Variants in ZNF701 observed in about 807,000 individuals in gnomAD.
ZNF701 encodes zinc finger protein 701.
In ZNF701, 6 loss-of-function variants were observed where a neutral mutation model predicts 7.1. That is an observed-to-expected ratio of 0.84 (90% CI 0.46 to 1.66). The LOEUF (loss-of-function observed/expected upper bound fraction) is 1.66, where lower values mean the gene tolerates loss of function less well. Among genes scored for constraint, ZNF701 ranks in the 40% most tolerant of loss-of-function variants. ZNF701 has a pLI of 0.01. For missense variants in ZNF701, 541 were observed against 559.2 expected, an observed-to-expected ratio of 0.97 and a Z score of 0.33; for synonymous variants, 166 against 188.2, an observed-to-expected ratio of 0.88 and a Z score of 0.97.
rs977882203 is a variant in ZNF701, at chr19:52,580,087, G to A, written c.143-2115G>A. Among the ~76,000 whole-genome samples, 6 of 140,610 alleles carry A rather than the reference G, an allele frequency of 4.3e-5. 1 individual carries two copies. The highest frequency in any genetic ancestry group is 8.9e-5 in the Non-Finnish European group (6 of 67,354). 92.2% of individuals were successfully genotyped at this position (140,610 alleles called of 152,430 possible). ...CTCCCGAGCAGCTGGGGCTACAGGC[G>A]CCTGCCACCACACCCGGCTATTTTT... On this transcript the variant is annotated intron_variant, in intron 3 of 3. Coordinates refer to ENST00000391785, the MANE Select transcript of ZNF701 (RefSeq NM_018260.3).
intron 3 of ZNF701, 83 bp from the exon 4 acceptor site, chr19:52,582,119 G>T (rs992954230): frequency 4.0e-6 from 5 of 1,237,992 alleles, no homozygotes; most frequent in Non-Finnish European, 4.4e-6. Flanking sequence ...AATAAGTATT[G>T]TTTTTTATGT....
At chr19:52,599,619 C>T in the ZNF701 span, among the ~76,000 whole-genome samples, 9 of 152,202 alleles carry the variant, frequency 5.9e-5, no homozygotes, top group Non-Finnish European at 1.0e-4. Context: ...CGTGGTGATT[C>T]TGCTAAAGCT....
At chr19:52,581,593 A>G (rs888367039) in intron 3 of ZNF701, among the ~76,000 whole-genome samples, 1 of 152,038 alleles carries the variant, frequency 6.6e-6, no homozygotes, top group East Asian at 1.9e-4. Flanking sequence ...GCGCACTGCA[A>G]CCTTTGCCTC....
the ZNF701 span, chr19:52,596,648 T>C: frequency 2.2e-6 from 1 of 445,008 alleles, no homozygotes; most frequent in Non-Finnish European, 4.6e-6. Context: ...TTTTCCACCA[T>C]GATTTATGCC....
Position 52,575,483 on chromosome 19 carries a change from C to T in ZNF701, c.16-412C>T, listed in dbSNP as rs1046972791. ...ATATACAAAATAGAATTTTGTACTT[C>T]GATTAATTTTATTTTCATGTATTTT... On this transcript the variant is annotated intron_variant, in intron 2 of 3. Transcript: ENST00000391785. Among the ~76,000 whole-genome samples the T allele has an allele frequency of 3.3e-5, 5 of 151,602 alleles. No individual in the cohort carries two copies. In the East Asian group the frequency reaches 5.8e-4, roughly 18 times the overall value.
intron 3 of ZNF701, among the ~76,000 whole-genome samples, chr19:52,577,602 T>C (rs561263635): frequency 6.6e-6 from 1 of 151,904 alleles, no homozygotes; most frequent in South Asian, 2.1e-4. Flanking sequence ...AGAAGTGACC[T>C]AGAAGGCAAG....
downstream of ZNF701, among the ~76,000 whole-genome samples, chr19:52,590,214 C>A (rs1053527138): frequency 1.3e-5 from 2 of 151,696 alleles, no homozygotes; most frequent in African/African-American, 2.4e-5. Flanking sequence ...GCTTCTCCTG[C>A]CTCAGCCTCT....
Position 52,575,998 on chromosome 19 carries a change from A to G in ZNF701, c.119A>G (p.Asn40Ser). The part of the protein sequence containing the change: ...RTLYRDVMLE[N>S]YRNLVSLDTS... Reference sequence around the variant, plus strand: ...CTATACAGAGACGTGATGCTGGAGAATTATAGGAACCTGGTCTCCCTGGGT... The same window carrying G: ...CTATACAGAGACGTGATGCTGGAGAGTTATAGGAACCTGGTCTCCCTGGGT... The change falls in exon 3 of 4, where the codon AAT becomes AGT. Residue 40 changes from asparagine to serine, a missense_variant. By Grantham distance (46) the Asn-to-Ser change is conservative. Coordinates refer to ENST00000391785, the MANE Select transcript of ZNF701 (RefSeq NM_018260.3). 1 of 1,581,832 alleles carries G rather than the reference A, an allele frequency of 6.3e-7. No individual in the cohort carries two copies. Among genetic ancestry groups the G allele is most frequent in the Non-Finnish European group, 8.5e-7 (1 of 1,171,052 alleles).
rs963619286 is a variant in ZNF701 at position 52,574,308 on chromosome 19, C to A, written c.15+146C>A. 2.9e-6 allele frequency: 4 copies of A among 1,389,244 alleles called. No individual in the cohort carries two copies. The African/African-American group carries it at 4.3e-5, about 15-fold the overall frequency. The allele number at this position is 1,389,244 out of a possible 1,614,324, so 86.1% of individuals were successfully genotyped here. A position where few individuals can be genotyped will look rare whatever the true frequency, so the allele number is the denominator to read the frequency against. ...CATGCCTTCCCTCAGTCCCTGTCAT[C>A]TCACTTAGATTCCATCTCTTGTGAC... On this transcript the variant is annotated intron_variant, in intron 2 of 3. Coordinates refer to ENST00000391785, the MANE Select transcript of ZNF701 (RefSeq NM_018260.3).
At chr19:52,596,987 T>C in the ZNF701 span, 6 of 897,608 alleles carry the variant, frequency 6.7e-6, no homozygotes, top group Admixed American at 1.9e-5. Context: ...AAGCAATCCA[T>C]GGTGTAGGGA....
chr19:52,592,455 T>A, the ZNF701 span, among the ~76,000 whole-genome samples: 3 of 152,230 alleles, frequency 2.0e-5, no homozygotes, highest in African/African-American at 7.2e-5. Flanking sequence ...CTTTGACTAA[T>A]AAGATTGAAC....
intron 3 of ZNF701, among the ~76,000 whole-genome samples, chr19:52,579,567 A>G (rs2059962077): frequency 7.1e-6 from 1 of 141,226 alleles, no homozygotes; most frequent in Admixed American, 6.8e-5. Flanking sequence ...TAGCATAATA[A>G]TGAAACCTAA....
rs2060010503 is a variant in ZNF701 at position 52,586,176 on chromosome 19, G to T, written c.*2719G>T. On this transcript the variant is annotated 3_prime_UTR_variant, in exon 4 of 4. Transcript: ENST00000391785. ...CCCACCTCAGCCTGCAGAGTAGCTG[G>T]GACCACAGCCGCGCGCCACCACACC... The T allele has an allele frequency of 1.3e-5, 2 of 152,090 alleles. No homozygotes were observed. The allele number at this position is 152,090 out of a possible 1,614,324, so 9.4% of individuals were successfully genotyped here.
chr19:52,590,135 C>G (rs1409100849), downstream of ZNF701, among the ~76,000 whole-genome samples: 1 of 145,798 alleles, frequency 6.9e-6, no homozygotes, highest in Non-Finnish European at 1.5e-5. Flanking sequence ...CAGTCTTGCT[C>G]TGTTGCCCAG....
At chr19:52,579,125 A>G (rs1028152583) in intron 3 of ZNF701, among the ~76,000 whole-genome samples, 1 of 144,046 alleles carries the variant, frequency 6.9e-6, no homozygotes, top group African/African-American at 2.9e-5. Flanking sequence ...CACTGTACAT[A>G]TATGTTACCA....
Position 52,582,511 on chromosome 19 carries a change from T to C in ZNF701, c.452T>C (p.Val151Ala), listed in dbSNP as rs760131769. 27 of 1,614,022 alleles carry C rather than the reference T, an allele frequency of 1.7e-5. No homozygotes were observed. The highest frequency in any genetic ancestry group is 2.2e-5 in the Non-Finnish European group (26 of 1,180,036). ...AGCTTTCATTCGCATCTGCCTGAAG[T>C]GCACATATTTCACCCCGAAGGGAAA... Reference protein sequence around the residue: ...GSSFHSHLPEVHIFHPEGKIG... With the variant: ...GSSFHSHLPEAHIFHPEGKIG... The change falls in exon 4 of 4, where the codon GTG becomes GCG. Residue 151 changes from valine (V) to alanine (A), a missense_variant. Coordinates refer to ENST00000391785, the MANE Select transcript of ZNF701 (RefSeq NM_018260.3).
At chr19:52,595,103 T>C in the ZNF701 span, among the ~76,000 whole-genome samples, 1 of 152,134 alleles carries the variant, frequency 6.6e-6, no homozygotes, top group Non-Finnish European at 1.5e-5. Context: ...TGCCTTGGTT[T>C]CCCAAGTAGC....
Position 52,583,509 on chromosome 19 carries a change from A to G in ZNF701, c.*52A>G, listed in dbSNP as rs956610731. The G allele has an allele frequency of 2.9e-5, 47 of 1,605,864 alleles. No individual in the cohort carries two copies. The highest frequency in any genetic ancestry group is 3.6e-5 in the Non-Finnish European group (42 of 1,174,468). The stretch of plus-strand genomic sequence containing the variant: ...CAACAGTCAAACCTTGCATGTCATC[A>G]TAGACTTTATACTGGAGAGAAACCT... On this transcript the variant is annotated 3_prime_UTR_variant, in exon 4 of 4. Transcript: ENST00000391785.
chr19:52,579,280 A>C (rs2059959378), intron 3 of ZNF701, among the ~76,000 whole-genome samples: 1 of 141,296 alleles, frequency 7.1e-6, no homozygotes, highest in Non-Finnish European at 1.5e-5. Context: ...TAATCCCAGC[A>C]CTTTGGGAGG....
Sources: allele counts gnomAD v4.1 joint callset (sites outside exome capture counted in the v4.1 genomes callset), GRCh38; gene constraint gnomAD v4.1.1; transcripts MANE v1.5; gene names NCBI Gene and HGNC (gene_info 2026-07-23, HGNC 2026-07-21).